The following TYR variants were observed in gnomAD, a reference collection of about 807,000 sequenced individuals.
The protein encoded by TYR is tyrosinase.
Under a neutral mutation model 51.5 loss-of-function variants are expected in TYR, and 58 were observed. That is an observed-to-expected ratio of 1.13 (90% CI 0.91 to 1.40). The LOEUF (loss-of-function observed/expected upper bound fraction) is 1.40, where lower values mean the gene tolerates loss of function less well. Ranked by LOEUF, TYR falls within the 40% of genes most tolerant of loss-of-function variation. The pLI is 0.00. For missense variants in TYR, 732 were observed against 647.4 expected, an observed-to-expected ratio of 1.13 and a Z score of -1.42; for synonymous variants, 263 against 235.2, an observed-to-expected ratio of 1.12 and a Z score of -1.08.
chr11:89,179,518 G>A (rs1303599738), intron 1 of TYR, among the ~76,000 whole-genome samples: 4 of 151,746 alleles, frequency 2.6e-5, no homozygotes, highest in Admixed American at 2.0e-4. Context: ...AAGGTATCAG[G>A]TAACTTGTAT....
chr11:89,267,632 AT>A (rs1180457432), intron 3 of TYR, among the ~76,000 whole-genome samples: 16 of 151,976 alleles, frequency 1.1e-4, no homozygotes, highest in African/African-American at 3.6e-4. Context: ...CTTATCAAAT[AT>A]TTATTATCAA....
chr11:89,284,209 C>T (rs747464531), intron 3 of TYR, among the ~76,000 whole-genome samples: 32 of 151,766 alleles, frequency 2.1e-4, no homozygotes, highest in Non-Finnish European at 3.4e-4. Flanking sequence ...TATGGTCATA[C>T]TCTAACTTTA....
In TYR at chr11:89,232,660, A is replaced by G. The variant is rs1238658959; in HGVS notation, c.1184+4690A>G. ...CATACCCAAACTTCAGCATCATGCA[A>G]TATACCTTTGTAGCTAACCTACACA... is the stretch of plus-strand genomic sequence containing the variant. On this transcript the variant is annotated intron_variant, in intron 3 of 4. Transcript: ENST00000263321. Among the ~76,000 whole-genome samples the G allele has an allele frequency of 1.4e-5, 2 of 142,576 alleles. 1 individual carries two copies. The highest frequency in any genetic ancestry group is 3.0e-5 in the Non-Finnish European group (2 of 66,522). 93.5% of individuals were successfully genotyped at this position (142,576 alleles called of 152,430 possible).
In TYR at chr11:89,245,774, T is replaced by C. The variant is rs564155592; in HGVS notation, c.1184+17804T>C. Among the ~76,000 whole-genome samples the C allele has an allele frequency of 1.7e-3, 259 of 151,986 alleles. 1 individual carries two copies. The highest frequency in any genetic ancestry group is 2.4e-3 in the Non-Finnish European group (161 of 67,956). On this transcript the variant is annotated intron_variant, in intron 3 of 4. Transcript: ENST00000263321. ...GGTCTCTACTAAAAATACAAAAAAT[T>C]AGCTGGGCTTGGTGGTGGGCACCTG... is the stretch of plus-strand genomic sequence containing the variant.
chr11:89,222,159 T>A (rs1943920414), intron 2 of TYR, among the ~76,000 whole-genome samples: 1 of 152,186 alleles, frequency 6.6e-6, no homozygotes, highest in Non-Finnish European at 1.5e-5. Flanking sequence ...GGTGAAAATT[T>A]CATATCAAGG....
chr11:89,279,288 C>A (rs1273423751), intron 3 of TYR, among the ~76,000 whole-genome samples: 4 of 151,826 alleles, frequency 2.6e-5, no homozygotes, highest in Non-Finnish European at 4.4e-5. Context: ...CTTCTCCCAC[C>A]TTTCTTTGTA....
At chr11:89,283,207 C>A (rs1342317994) in intron 3 of TYR, among the ~76,000 whole-genome samples, 1 of 151,726 alleles carries the variant, frequency 6.6e-6, no homozygotes, top group Non-Finnish European at 1.5e-5. Flanking sequence ...CAGTGGACTG[C>A]CAATTCCTCA....
chr11:89,231,503 C>A (rs1944049803), intron 3 of TYR, among the ~76,000 whole-genome samples: 1 of 142,794 alleles, frequency 7.0e-6, no homozygotes, highest in Admixed American at 6.9e-5. Flanking sequence ...CACGGATGAA[C>A]CTGGAGTTTA....
At chr11:89,196,394 C>G (rs571882601) in intron 2 of TYR, among the ~76,000 whole-genome samples, 1 of 152,022 alleles carries the variant, frequency 6.6e-6, no homozygotes, top group Non-Finnish European at 1.5e-5. Flanking sequence ...ACAGCAGGAA[C>G]AAAGGTATCT....
At chr11:89,262,861 A>AC (rs1944476535) in intron 3 of TYR, among the ~76,000 whole-genome samples, 3 of 145,698 alleles carry the variant, frequency 2.1e-5, no homozygotes, top group African/African-American at 7.7e-5. Flanking sequence ...AAAAAAAAAA[A>AC]AAAAAAAAAA....
chr11:89,295,624 T>A lies in TYR; in HGVS notation c.*258T>A, dbSNP rs1272058860. On this transcript the variant is annotated 3_prime_UTR_variant, in exon 5 of 5. Transcript: ENST00000263321. ...AGGATGCTATTTGGTAATGAGGAAC[T>A]GTTATTTGTATGTGAATTAAAGTGC... The A allele has an allele frequency of 2.1e-6, 1 of 468,834 alleles. No homozygotes were observed. Among genetic ancestry groups the A allele is most frequent in the African/African-American group, 2.0e-5 (1 of 50,960 alleles). 29.0% of individuals were successfully genotyped at this position (468,834 alleles called of 1,614,324 possible).
At chr11:89,245,849 A>C (rs1029828626) in intron 3 of TYR, among the ~76,000 whole-genome samples, 1 of 151,772 alleles carries the variant, frequency 6.6e-6, no homozygotes, top group Admixed American at 6.6e-5. Context: ...GTGAACCTGG[A>C]GGCGGAGCTT....
Sources: allele counts gnomAD v4.1 joint callset (sites outside exome capture counted in the v4.1 genomes callset), GRCh38; gene constraint gnomAD v4.1.1; transcripts MANE v1.5; gene names NCBI Gene and HGNC (gene_info 2026-07-23, HGNC 2026-07-21).